The following APAF1 variants were observed in gnomAD, a reference collection of about 807,000 sequenced individuals.
APAF1 encodes apoptotic peptidase activating factor 1, also known as apoptotic protease-activating factor 1.
Under a neutral mutation model 152.4 loss-of-function variants are expected in APAF1, and 91 were observed. The ratio of observed to expected loss-of-function variants is 0.60; its 90% CI spans 0.50 to 0.71. The LOEUF (loss-of-function observed/expected upper bound fraction) is 0.71, where lower values mean the gene tolerates loss of function less well. APAF1 is among the 30% of genes least tolerant of loss of function. The pLI is 0.00. For missense variants in APAF1, 1,283 were observed against 1,472.0 expected, an observed-to-expected ratio of 0.87 and a Z score of 2.10; for synonymous variants, 484 against 494.1, an observed-to-expected ratio of 0.98 and a Z score of 0.27.
intron 16 of APAF1, among the ~76,000 whole-genome samples, chr12:98,692,859 A>G (rs2097705793): frequency 6.6e-6 from 1 of 152,062 alleles, no homozygotes; most frequent in South Asian, 2.1e-4. Flanking sequence ...ATACAAGTGC[A>G]TGTGTCTTTT....
intron 12 of APAF1, 150 bp downstream of exon 12, chr12:98,671,869 A>G (rs2097680631): frequency 4.0e-6 from 3 of 748,974 alleles, no homozygotes; most frequent in South Asian, 3.3e-5. Flanking sequence ...GAAAAGTTCT[A>G]GAGAAGTAAG....
chr12:98,691,217 A>G (rs2097703848), intron 16 of APAF1, among the ~76,000 whole-genome samples: 1 of 151,932 alleles, frequency 6.6e-6, no homozygotes, highest in Admixed American at 6.6e-5. Flanking sequence ...AAAAAAAAAG[A>G]AAAAATCCTG....
At chr12:98,656,073 G>A (rs761667072) in intron 4 of APAF1, among the ~76,000 whole-genome samples, 18 of 152,144 alleles carry the variant, frequency 1.2e-4, no homozygotes, top group African/African-American at 4.1e-4. Context: ...ATGAGCCACC[G>A]CGCCCGGCCT....
intron 23 of APAF1, 102 bp from the exon 24 acceptor site, chr12:98,723,537 A>G (rs749217205): frequency 4.9e-5 from 59 of 1,205,230 alleles, no homozygotes; most frequent in Admixed American, 8.0e-5. Flanking sequence ...CCAGTGTATT[A>G]AAACTCTTGT....
intron 16 of APAF1, among the ~76,000 whole-genome samples, chr12:98,687,103 G>A (rs1012966095): frequency 3.3e-5 from 5 of 152,116 alleles, no homozygotes; most frequent in Admixed American, 6.6e-5. Flanking sequence ...GGTGGCTCAC[G>A]CCTGTAATCC....
chr12:98,686,905 T>C, intron 16 of APAF1, 32 bp downstream of exon 16: 1 of 1,605,324 alleles, frequency 6.2e-7, no homozygotes, highest in Non-Finnish European at 8.5e-7. Flanking sequence ...AAATAGGTTG[T>C]ATTTTATGGA....
rs564063315 is a variant in APAF1 at position 98,716,278 on chromosome 12, C to T, written c.3084+726C>T. ...ACAGGAAGATGTTGCTTTTTTCCGC[C>T]TTCCACCTGTCCTGCCTTCAGCTTA... On this transcript the variant is annotated intron_variant, in intron 22 of 26. Coordinates refer to ENST00000551964, the MANE Select transcript of APAF1 (RefSeq NM_181861.2). Among the ~76,000 whole-genome samples, 6 of 152,310 alleles carry T rather than the reference C, an allele frequency of 3.9e-5. No homozygotes were observed. The South Asian group carries it at 1.2e-3, about 32-fold the overall frequency.
At chr12:98,654,842 T>A (rs1385325661) in intron 4 of APAF1, among the ~76,000 whole-genome samples, 3 of 146,052 alleles carry the variant, frequency 2.1e-5, no homozygotes, top group Admixed American at 1.4e-4. Flanking sequence ...TTTTAATTTA[T>A]TTTTTTATTG....
In APAF1 at chr12:98,712,334, A is replaced by G. The variant is rs763464521; in HGVS notation, c.2857A>G (p.Thr953Ala). Residue 953 changes from threonine (T) to alanine (A), a missense_variant, in exon 21 of 27, where the codon ACA becomes GCA. Physicochemically the swap from Thr to Ala is moderately conservative, Grantham distance 58. Transcript: ENST00000551964. ...IRRLQLINGR[T>A]GQIDYLTEAQ... Reference sequence around the variant, plus strand: ...TTTTCATTAGCTCATTAATGGAAGAACAGGTCAGATTGATTATCTGACTGA... The same window carrying G: ...TTTTCATTAGCTCATTAATGGAAGAGCAGGTCAGATTGATTATCTGACTGA... 5.0e-5 allele frequency: 80 copies of G among 1,608,482 alleles called. No individual in the cohort carries two copies. Among genetic ancestry groups the G allele is most frequent in the Admixed American group, 2.0e-4 (12 of 59,986 alleles).
intron 16 of APAF1, among the ~76,000 whole-genome samples, chr12:98,689,891 G>C (rs2097702405): frequency 6.6e-6 from 1 of 152,172 alleles, no homozygotes; most frequent in Admixed American, 6.5e-5. Flanking sequence ...GTGTTGTACT[G>C]TTCAGTCATT....
In APAF1 at chr12:98,645,760, T is replaced by G. The variant is rs1421370847; in HGVS notation, c.-117T>G. 4 of 152,354 alleles carry G rather than the reference T, an allele frequency of 2.6e-5. No homozygotes were observed. Among genetic ancestry groups the G allele is most frequent in the Non-Finnish European group, 1.5e-5 (1 of 68,158 alleles). The allele number at this position is 152,354 out of a possible 1,614,324, so 9.4% of individuals were successfully genotyped here. A position where few individuals can be genotyped will look rare whatever the true frequency, so the allele number is the denominator to read the frequency against. On this transcript the variant is annotated 5_prime_UTR_variant, in exon 1 of 27. Coordinates refer to ENST00000551964, the MANE Select transcript of APAF1 (RefSeq NM_181861.2). ...TGGAAAACTCCTGTTGCCGTTTCCC[T>G]CCACCGGCCTGGAGTCTCCCAGTCT...
chr12:98,714,980 C>A (rs1173356108), intron 21 of APAF1, among the ~76,000 whole-genome samples: 1 of 150,066 alleles, frequency 6.7e-6, no homozygotes, highest in Non-Finnish European at 1.5e-5. Flanking sequence ...CCCTCATCAT[C>A]TTTTATCTTT....
chr12:98,709,259 A>C (rs951731121), intron 20 of APAF1, among the ~76,000 whole-genome samples: 3 of 152,192 alleles, frequency 2.0e-5, no homozygotes, highest in African/African-American at 7.2e-5. Flanking sequence ...GTATAGTACA[A>C]TTGAAAGAAC....
intron 14 of APAF1, among the ~76,000 whole-genome samples, chr12:98,681,676 G>C (rs1565873044): frequency 2.6e-5 from 4 of 152,136 alleles, no homozygotes; most frequent in Non-Finnish European, 4.4e-5. Flanking sequence ...GATTGGACTC[G>C]TGGCTTAACC....
chr12:98,705,266 G>C (rs1020354265), intron 18 of APAF1, among the ~76,000 whole-genome samples: 2 of 152,162 alleles, frequency 1.3e-5, no homozygotes, highest in African/African-American at 4.8e-5. Flanking sequence ...GAAATGTAGG[G>C]ACTCAGCTCT....
At chr12:98,690,974 C>T (rs1002870857) in intron 16 of APAF1, among the ~76,000 whole-genome samples, 5 of 152,052 alleles carry the variant, frequency 3.3e-5, no homozygotes, top group Admixed American at 1.3e-4. Flanking sequence ...TTTGGGAGGC[C>T]GAGGTGGGCG....
chr12:98,681,180 G>A (rs562259944), intron 14 of APAF1, among the ~76,000 whole-genome samples: 42 of 152,216 alleles, frequency 2.8e-4, no homozygotes, highest in Non-Finnish European at 4.9e-4. Context: ...TTATGCCTCA[G>A]CCTCTTGAGT....
intron 16 of APAF1, among the ~76,000 whole-genome samples, chr12:98,693,475 G>A (rs918903136): frequency 1.9e-4 from 29 of 152,246 alleles, no homozygotes; most frequent in African/African-American, 6.0e-4. Flanking sequence ...GAGCCGTATC[G>A]TGTGAATTTT....
At position 98,666,236 on chromosome 12, in the gene APAF1, T is replaced by C. The variant is rs755648185; in HGVS notation, c.1241T>C (p.Ile414Thr). The change falls in exon 9 of 27, where the codon ATA (isoleucine) becomes ACA (threonine). Residue 414 changes from isoleucine to threonine, a missense_variant. Ile to Thr is a moderately conservative substitution (Grantham distance 89). Transcript: ENST00000551964. ...ATGGAAACTGAAGAAGTTGAAGACA[T>C]ACTGCAGGAGTTTGTAAATAAGTCT... is the stretch of plus-strand genomic sequence containing the variant. ...WDMETEEVEDILQEFVNKSLL... is the reference protein window; with the variant it reads ...WDMETEEVEDTLQEFVNKSLL... The C allele has an allele frequency of 3.1e-6, 5 of 1,613,874 alleles. No individual in the cohort carries two copies. Among genetic ancestry groups the C allele is most frequent in the Non-Finnish European group, 4.2e-6 (5 of 1,179,796 alleles).
Sources: allele counts gnomAD v4.1 joint callset (sites outside exome capture counted in the v4.1 genomes callset), GRCh38; gene constraint gnomAD v4.1.1; transcripts MANE v1.5; gene names NCBI Gene and HGNC (gene_info 2026-07-23, HGNC 2026-07-21).